ARHGAP20: variants seen among roughly 807,000 people sequenced by gnomAD.
The protein encoded by ARHGAP20 is rho GTPase-activating protein 20.
ARHGAP20 carries 34 observed loss-of-function variants against 73.7 expected under a neutral mutation model. The observed-to-expected ratio is 0.46, with a 90% confidence interval of 0.35 to 0.61. The LOEUF (loss-of-function observed/expected upper bound fraction) is 0.61. ARHGAP20 is among the 20% of genes least tolerant of loss of function. The probability of loss-of-function intolerance (pLI) is 0.00; values close to 1 mark genes in which losing one functional copy is unlikely to be tolerated. For synonymous variants in ARHGAP20, 523 were observed against 518.2 expected (o/e 1.01, Z -0.13); for missense variants, 1,314 against 1,420.9 (o/e 0.92, Z 1.21).
chr11:110,694,106 C>G (rs888524471), intron 1 of ARHGAP20, among the ~76,000 whole-genome samples: 1 of 151,758 alleles, frequency 6.6e-6, no homozygotes, highest in African/African-American at 2.4e-5. Context: ...TATCACTTAC[C>G]TAGTGTTAAG....
rs184896196 is a variant in ARHGAP20 at position 110,683,594 on chromosome 11, C to T, written c.188+6953G>A. Among the ~76,000 whole-genome samples, 5 of 152,206 alleles carry T rather than the reference C, an allele frequency of 3.3e-5. No individual in the cohort carries two copies. In the East Asian group the frequency reaches 9.7e-4, roughly 29 times the overall value. On this transcript the variant is annotated intron_variant, in intron 2 of 14. Coordinates refer to ENST00000683387, the MANE Select transcript of ARHGAP20 (RefSeq NM_001384657.1). ...ATGTGTGCTAGGACATTAGAGGAAA[C>T]ATGCATATAAGGAGATTCCAATGAA...
At chr11:110,608,808 G>A (rs577255726) in intron 8 of ARHGAP20, among the ~76,000 whole-genome samples, 176 bp downstream of exon 8, 2 of 152,190 alleles carry the variant, frequency 1.3e-5, no homozygotes, top group South Asian at 4.1e-4. Context: ...CTTGAATGAG[G>A]AGATATTATT....
chr11:110,606,525 G>T, intron 9 of ARHGAP20, 36 bp downstream of exon 9: 1 of 1,586,764 alleles, frequency 6.3e-7, no homozygotes, highest in Non-Finnish European at 8.5e-7. Context: ...CTAAATTTAT[G>T]TTCAAGAACG....
At chr11:110,606,888 T>G in intron 8 of ARHGAP20, 139 bp from the exon 9 acceptor site, 2 of 724,140 alleles carry the variant, frequency 2.8e-6, no homozygotes, top group Non-Finnish European at 4.1e-6. Context: ...AATGATCATT[T>G]ACACTCTTAC....
intron 1 of ARHGAP20, among the ~76,000 whole-genome samples, chr11:110,703,023 G>A (rs1950486346): frequency 6.6e-6 from 1 of 152,098 alleles, no homozygotes. Context: ...CACAGAATAG[G>A]AGAATTACTT....
At position 110,634,970 on chromosome 11, in the gene ARHGAP20, T is replaced by C. The variant is rs7944062; in HGVS notation, c.189-4178A>G. 7.2e-3 allele frequency among the ~76,000 whole-genome samples: 1,101 copies of C among 152,122 alleles called. 16 individuals carry two copies. Among genetic ancestry groups the C allele is most frequent in the African/African-American group, 0.025 (1,044 of 41,516 alleles). ...TTTTTTTTAAATTAGTCTAATTAAA[T>C]GAGGAGCTCAAAGAACAAGTATTTC... On this transcript the variant is annotated intron_variant, in intron 2 of 14. Transcript: ENST00000683387.
rs760902497 is a variant in ARHGAP20 at position 110,712,218 on chromosome 11, G to C, written c.14C>G (p.Ser5Cys). MEAM[S>C]PQQETLGGQP... ...TCCCCCTAGAGTCTCCTGCTGGGGG[G>C]ACATCGCTTCCATGAAGAAAATCTT... Residue 5 changes from serine (S) to cysteine (C), a missense_variant, in exon 1 of 15, where the codon TCC becomes TGC. Physicochemically the swap from Ser to Cys is moderately radical, Grantham distance 112. Coordinates refer to ENST00000683387, the MANE Select transcript of ARHGAP20 (RefSeq NM_001384657.1). The C allele has an allele frequency of 2.2e-6, 3 of 1,363,842 alleles. No homozygotes were observed. Among genetic ancestry groups the C allele is most frequent in the South Asian group, 2.2e-5 (1 of 45,918 alleles). The allele number at this position is 1,363,842 out of a possible 1,614,324, so 84.5% of individuals were successfully genotyped here.
At chr11:110,650,419 G>C (rs1196516543) in intron 2 of ARHGAP20, among the ~76,000 whole-genome samples, 2 of 152,148 alleles carry the variant, frequency 1.3e-5, no homozygotes, top group African/African-American at 4.8e-5. Flanking sequence ...AATTAGAGTA[G>C]AGTGGGGATG....
intron 2 of ARHGAP20, among the ~76,000 whole-genome samples, chr11:110,642,191 G>T (rs1949091654): frequency 6.6e-6 from 1 of 152,052 alleles, no homozygotes; most frequent in South Asian, 2.1e-4. Context: ...GAGCCTTTTG[G>T]CGAGTCTTTA....
chr11:110,686,886 T>G (rs1486356517), intron 2 of ARHGAP20, among the ~76,000 whole-genome samples: 5 of 151,742 alleles, frequency 3.3e-5, no homozygotes, highest in African/African-American at 1.2e-4. Context: ...TTGCATACCT[T>G]CAGAGTACAA....
intron 2 of ARHGAP20, among the ~76,000 whole-genome samples, chr11:110,650,534 ACTTATCTG>A (rs1949327040): frequency 6.6e-6 from 1 of 152,116 alleles, no homozygotes; most frequent in African/African-American, 2.4e-5. Flanking sequence ...GTGGAGGCAG[ACTTATCTG>A]CTTATCTGCT....
In ARHGAP20 at chr11:110,579,369, C is replaced by A. The variant is rs1170446320; in HGVS notation, c.*1G>T. 1 of 1,583,016 alleles carries A rather than the reference C, an allele frequency of 6.3e-7. No homozygotes were observed. Among genetic ancestry groups the A allele is most frequent in the Non-Finnish European group, 8.6e-7 (1 of 1,158,248 alleles). ...TTGTGGACATCAGATTCTTACTATG[C>A]TTAAATGTCTTTGGTTAAATACCTG... On this transcript the variant is annotated 3_prime_UTR_variant, in exon 15 of 15. Transcript: ENST00000683387.
intron 4 of ARHGAP20, among the ~76,000 whole-genome samples, chr11:110,618,172 C>A (rs1028468981): frequency 6.6e-6 from 1 of 151,942 alleles, no homozygotes; most frequent in Non-Finnish European, 1.5e-5. Context: ...AAAAAAATGT[C>A]AACAGTGACC....
chr11:110,682,722 A>T (rs1950060354), intron 2 of ARHGAP20, among the ~76,000 whole-genome samples: 1 of 152,160 alleles, frequency 6.6e-6, no homozygotes, highest in Non-Finnish European at 1.5e-5. Flanking sequence ...ATATATCTAT[A>T]CATTATATAA....
At chr11:110,612,389 C>CTG (rs1449485184) in intron 6 of ARHGAP20, among the ~76,000 whole-genome samples, 2 of 151,578 alleles carry the variant, frequency 1.3e-5, no homozygotes, top group African/African-American at 4.8e-5. Flanking sequence ...GATCGCGCCA[C>CTG]TGCACTCCAG....
intron 1 of ARHGAP20, among the ~76,000 whole-genome samples, chr11:110,704,586 C>T (rs532172732): frequency 1.3e-5 from 2 of 152,232 alleles, no homozygotes; most frequent in Non-Finnish European, 2.9e-5. Flanking sequence ...GCTATATTGC[C>T]TACAAGCCTC....
chr11:110,614,476 C>T, intron 6 of ARHGAP20, 85 bp downstream of exon 6: 3 of 1,270,610 alleles, frequency 2.4e-6, no homozygotes, highest in Non-Finnish European at 3.4e-6. Context: ...AGCCTGCCTG[C>T]CTGCCTGCTC....
At position 110,691,709 on chromosome 11, in the gene ARHGAP20, T is replaced by C. The variant is rs537434084; in HGVS notation, c.106-1080A>G. On this transcript the variant is annotated intron_variant, in intron 1 of 14. Transcript: ENST00000683387. ...TTTGGCACAATTCTTATCCCACAAA[T>C]TCTCCATGCTCCTAGGGATCTCTCC... Among the ~76,000 whole-genome samples, 28 of 152,278 alleles carry C rather than the reference T, an allele frequency of 1.8e-4. No individual in the cohort carries two copies. In the Middle Eastern group the frequency reaches 0.01, roughly 55 times the overall value.
chr11:110,578,993 C>G lies in ARHGAP20; in HGVS notation c.*377G>C, dbSNP rs1947359300. On this transcript the variant is annotated 3_prime_UTR_variant, in exon 15 of 15. Transcript: ENST00000683387. ...TGGTTTCTCTGTACCCTTCCCCTCT[C>G]TCCTCAGGCCCCTATTCCTCATTCC... is the stretch of plus-strand genomic sequence containing the variant. 1 of 993,512 alleles carries G rather than the reference C, an allele frequency of 1.0e-6. No homozygotes were observed. Among genetic ancestry groups the G allele is most frequent in the Non-Finnish European group, 1.2e-6 (1 of 834,578 alleles). The allele number at this position is 993,512 out of a possible 1,614,324, so 61.5% of individuals were successfully genotyped here.
Sources: gnomAD v4.1 joint callset for allele counts (sites outside exome capture counted in the v4.1 genomes callset) on GRCh38, gnomAD v4.1.1 for gene constraint, MANE v1.5 for transcripts, NCBI Gene and HGNC (gene_info 2026-07-23, HGNC 2026-07-21) for gene names.